Variants in RALY observed in about 807,000 individuals in gnomAD.
RALY encodes the protein RNA-binding protein Raly.
A neutral mutation model predicts 30.7 loss-of-function variants in RALY; 15 were observed. The observed-to-expected ratio is 0.49, with a 90% CI of 0.33 to 0.75. The LOEUF is 0.75. Among genes scored for constraint, RALY ranks in the 30% least tolerant of loss-of-function variants. The probability of loss-of-function intolerance (pLI) is 0.02; values close to 1 mark genes in which losing one functional copy is unlikely to be tolerated. For missense variants in RALY, 339 were observed against 414.3 expected, an observed-to-expected ratio of 0.82 and a Z score of 1.58; for synonymous variants, 177 against 170.8, an observed-to-expected ratio of 1.04 and a Z score of -0.28.
intron 1 of RALY, among the ~76,000 whole-genome samples, chr20:33,999,302 G>C (rs375768789): frequency 2.0e-5 from 3 of 152,074 alleles, no homozygotes; most frequent in Non-Finnish European, 4.4e-5. Context: ...CGTAAGGGAG[G>C]GGGTAGGGTT....
At chr20:34,036,869 T>C (rs923103651) in intron 2 of RALY, among the ~76,000 whole-genome samples, 1 of 152,184 alleles carries the variant, frequency 6.6e-6, no homozygotes, top group African/African-American at 2.4e-5. Flanking sequence ...TTGATTTTGC[T>C]GGTGTTTTCA....
At chr20:34,067,821 T>C (rs1252074603) in intron 2 of RALY, among the ~76,000 whole-genome samples, 2 of 149,188 alleles carry the variant, frequency 1.3e-5, no homozygotes, top group African/African-American at 4.9e-5. Flanking sequence ...TTTTTCTTTT[T>C]TTTTTTTTTT....
chr20:34,010,101 G>A (rs1163267927), intron 1 of RALY, among the ~76,000 whole-genome samples: 1 of 152,154 alleles, frequency 6.6e-6, no homozygotes, highest in Non-Finnish European at 1.5e-5. Context: ...AGTGGATCAT[G>A]TCCTTGTCAA....
intron 2 of RALY, among the ~76,000 whole-genome samples, chr20:34,037,529 G>A (rs1480312420): frequency 1.3e-5 from 2 of 152,180 alleles, no homozygotes; most frequent in Non-Finnish European, 2.9e-5. Flanking sequence ...GGCTTACAGT[G>A]CAGATGCCAT....
chr20:34,071,525 C>T (rs773446828), intron 2 of RALY, among the ~76,000 whole-genome samples: 16 of 152,024 alleles, frequency 1.1e-4, no homozygotes, highest in African/African-American at 1.7e-4. Flanking sequence ...GTGATGCACC[C>T]GTCTCGGCCT....
At chr20:34,055,115 C>T (rs558824188) in intron 2 of RALY, among the ~76,000 whole-genome samples, 1 of 152,258 alleles carries the variant, frequency 6.6e-6, no homozygotes, top group African/African-American at 2.4e-5. Flanking sequence ...CAGGATCATA[C>T]AGCCAACGTA....
intron 1 of RALY, among the ~76,000 whole-genome samples, chr20:34,014,415 T>A (rs2031529797): frequency 6.6e-6 from 1 of 152,156 alleles, no homozygotes; most frequent in South Asian, 2.1e-4. Flanking sequence ...GAATGTAGAG[T>A]TTGTTTTTGA....
chr20:34,046,028 T>C (rs2032868740), intron 2 of RALY, among the ~76,000 whole-genome samples: 1 of 152,224 alleles, frequency 6.6e-6, no homozygotes, highest in South Asian at 2.1e-4. Flanking sequence ...CAGGACCCCA[T>C]GCCACCTGCC....
At chr20:34,079,565 A>G (rs1046127805) in intron 9 of RALY, among the ~76,000 whole-genome samples, 2 of 152,184 alleles carry the variant, frequency 1.3e-5, no homozygotes, top group African/African-American at 2.4e-5. Flanking sequence ...AAAATTGTAC[A>G]TATGCAGTCT....
Position 34,007,820 on chromosome 20 carries a change from C to CAAAAA in RALY, c.-93+13706_-93+13710dup, listed in dbSNP as rs10649045. The stretch of plus-strand genomic sequence containing the variant: ...GGGCAATAAGAGCGAAACTCCGTCT[C>CAAAAA]AAAAAAAAAAAAAAAAAAAAAGTTC... On this transcript the variant is annotated intron_variant, in intron 1 of 9. Transcript: ENST00000246194. Among the ~76,000 whole-genome samples the CAAAAA allele has an allele frequency of 9.4e-3, 956 of 101,540 alleles. 21 individuals carry two copies. Among genetic ancestry groups the CAAAAA allele is most frequent in the African/African-American group, 0.033 (920 of 28,278 alleles). The allele number at this position is 101,540 out of a possible 152,430, so 66.6% of individuals were successfully genotyped here.
chr20:34,058,957 A>G (rs1385411881), intron 2 of RALY, among the ~76,000 whole-genome samples: 3 of 152,164 alleles, frequency 2.0e-5, no homozygotes, highest in Non-Finnish European at 2.9e-5. Context: ...GCAGATGCTT[A>G]GTAATGTTTG....
At position 34,015,829 on chromosome 20, in the gene RALY, A is replaced by G. The variant is rs981130046; in HGVS notation, c.-92-15693A>G. ...ACTTTTCCCCATCCCTACAGGCTCA[A>G]TGCTTTGCAACATGTGCACACACAC... On this transcript the variant is annotated intron_variant, in intron 1 of 9. Coordinates refer to ENST00000246194, the MANE Select transcript of RALY (RefSeq NM_016732.3). Among the ~76,000 whole-genome samples, 8 of 152,138 alleles carry G rather than the reference A, an allele frequency of 5.3e-5. No homozygotes were observed. In the East Asian group the frequency reaches 7.7e-4, roughly 15 times the overall value.
At chr20:34,003,642 T>G (rs1314280613) in intron 1 of RALY, among the ~76,000 whole-genome samples, 3 of 143,654 alleles carry the variant, frequency 2.1e-5, no homozygotes, top group Non-Finnish European at 4.6e-5. Flanking sequence ...CAGTTTTTTT[T>G]TTTTTTTTTT....
chr20:34,019,922 G>A (rs557693346), intron 1 of RALY, among the ~76,000 whole-genome samples: 14 of 151,988 alleles, frequency 9.2e-5, no homozygotes, highest in Non-Finnish European at 1.8e-4. Context: ...TTAGCCGGGC[G>A]TAGTGGTGGG....
At position 34,080,974 on chromosome 20, in the gene RALY, CCT is replaced by C. The variant is rs1178106826; in HGVS notation, c.*1070_*1071del. 2.6e-5 allele frequency: 4 copies of C among 152,338 alleles called. No homozygotes were observed. The highest frequency in any genetic ancestry group is 2.1e-4 in the South Asian group (1 of 4,826). 9.4% of individuals were successfully genotyped at this position (152,338 alleles called of 1,614,324 possible). Reference sequence around the variant, plus strand: ...TCCGGAGACACGCAGCCTGTCTGCCCCTGTCTTGGGCCACCCGTCTAGACATT... The same window carrying C: ...TCCGGAGACACGCAGCCTGTCTGCCCGTCTTGGGCCACCCGTCTAGACATT... On this transcript the variant is annotated 3_prime_UTR_variant, in exon 10 of 10. Coordinates refer to ENST00000246194, the MANE Select transcript of RALY (RefSeq NM_016732.3).
At chr20:34,008,641 T>A (rs1270786491) in intron 1 of RALY, among the ~76,000 whole-genome samples, 1 of 152,154 alleles carries the variant, frequency 6.6e-6, no homozygotes, top group Non-Finnish European at 1.5e-5. Context: ...CATATTTTGT[T>A]TGGCCTGCAG....
At chr20:34,031,243 T>A (rs1216266995) in intron 1 of RALY, among the ~76,000 whole-genome samples, 1 of 143,852 alleles carries the variant, frequency 7.0e-6, no homozygotes, top group African/African-American at 2.6e-5. Flanking sequence ...GTATTTTTAG[T>A]AGAGACAGGG....
intron 2 of RALY, among the ~76,000 whole-genome samples, chr20:34,053,726 T>A (rs1601478785): frequency 6.6e-6 from 1 of 152,162 alleles, no homozygotes; most frequent in Non-Finnish European, 1.5e-5. Context: ...AAAATTTTAG[T>A]ACATTCTCAG....
At chr20:34,014,547 G>A (rs1451973062) in intron 1 of RALY, among the ~76,000 whole-genome samples, 1 of 152,044 alleles carries the variant, frequency 6.6e-6, no homozygotes, top group East Asian at 1.9e-4. Context: ...TTAAATTTGG[G>A]ATTTGGGTGG....
Sources: gnomAD v4.1 joint callset for allele counts (sites outside exome capture counted in the v4.1 genomes callset) on GRCh38, gnomAD v4.1.1 for gene constraint, MANE v1.5 for transcripts, NCBI Gene and HGNC (gene_info 2026-07-23, HGNC 2026-07-21) for gene names.